CRADD: variants seen among roughly 807,000 people sequenced by gnomAD.
CRADD encodes the protein death domain-containing protein CRADD.
Under a neutral mutation model 15.5 loss-of-function variants are expected in CRADD, and 9 were observed. The ratio of observed to expected loss-of-function variants is 0.58; its 90% confidence interval spans 0.35 to 1.01. The LOEUF is 1.01. Ranked by LOEUF, CRADD falls within the 50% of genes least tolerant of loss-of-function variation. The pLI, the probability that CRADD is intolerant of heterozygous loss-of-function variation, is 0.02. For missense variants in CRADD, 227 were observed against 250.3 expected (o/e 0.91, Z 0.63); for synonymous variants, 118 against 107.6 (o/e 1.10, Z -0.60).
At chr12:93,731,088 A>C (rs1487413371) in intron 2 of CRADD, among the ~76,000 whole-genome samples, 2 of 152,198 alleles carry the variant, frequency 1.3e-5, no homozygotes, top group African/African-American at 4.8e-5. Context: ...TTGTGGTGCA[A>C]CTTTATATTT....
At chr12:93,888,005 A>G (rs1455461383) in intron 2 of CRADD, among the ~76,000 whole-genome samples, 1 of 152,192 alleles carries the variant, frequency 6.6e-6, no homozygotes, top group Non-Finnish European at 1.5e-5. Flanking sequence ...CTGAGACCCA[A>G]AGGATGAGTG....
chr12:93,688,973 C>T (rs1955501121), intron 2 of CRADD, among the ~76,000 whole-genome samples: 1 of 152,104 alleles, frequency 6.6e-6, no homozygotes. Context: ...TGGTTGGTAT[C>T]TCTCTCGTAT....
intron 2 of CRADD, among the ~76,000 whole-genome samples, chr12:93,821,387 T>G (rs1053694891): frequency 6.6e-6 from 1 of 152,218 alleles, no homozygotes; most frequent in Non-Finnish European, 1.5e-5. Context: ...ACCAGAGAGC[T>G]GGCACATCGG....
At chr12:93,814,431 C>T (rs1477432053) in intron 2 of CRADD, among the ~76,000 whole-genome samples, 2 of 152,160 alleles carry the variant, frequency 1.3e-5, no homozygotes, top group East Asian at 3.9e-4. Flanking sequence ...TGGGATTACC[C>T]AGTGGGAATC....
intron 2 of CRADD, among the ~76,000 whole-genome samples, chr12:93,878,271 A>T (rs1034070371): frequency 6.6e-6 from 1 of 152,144 alleles, no homozygotes; most frequent in African/African-American, 2.4e-5. Context: ...GTATGTCTAG[A>T]AATGTCATCT....
At chr12:93,751,117 T>C (rs1342824542) in intron 2 of CRADD, among the ~76,000 whole-genome samples, 1 of 152,202 alleles carries the variant, frequency 6.6e-6, no homozygotes, top group African/African-American at 2.4e-5. Context: ...TCTTGCTTCT[T>C]TTGCTTAAAA....
chr12:93,825,996 C>T (rs1382549056), intron 2 of CRADD, among the ~76,000 whole-genome samples: 1 of 152,222 alleles, frequency 6.6e-6, no homozygotes, highest in Non-Finnish European at 1.5e-5. Flanking sequence ...ATTTTCTCTT[C>T]TACCTATAAA....
intron 2 of CRADD, among the ~76,000 whole-genome samples, chr12:93,713,181 A>G (rs1956104427): frequency 6.6e-6 from 1 of 152,146 alleles, no homozygotes; most frequent in African/African-American, 2.4e-5. Flanking sequence ...CCACCACTTC[A>G]AAAGAGGTCT....
intron 2 of CRADD, among the ~76,000 whole-genome samples, chr12:93,704,819 C>T (rs930540015): frequency 5.9e-5 from 9 of 152,188 alleles, no homozygotes; most frequent in African/African-American, 1.4e-4. Context: ...CAGGCCTCCT[C>T]TGTCACTCCA....
At chr12:93,784,309 G>A (rs1957248244) in intron 2 of CRADD, among the ~76,000 whole-genome samples, 1 of 152,100 alleles carries the variant, frequency 6.6e-6, no homozygotes, top group Non-Finnish European at 1.5e-5. Context: ...TTTATGGTAT[G>A]ACAGGCACTG....
At chr12:93,720,241 A>G (rs1449546731) in intron 2 of CRADD, among the ~76,000 whole-genome samples, 4 of 152,050 alleles carry the variant, frequency 2.6e-5, no homozygotes, top group African/African-American at 9.7e-5. Context: ...TTTTCCAGCT[A>G]TGTTTTTGTT....
intron 2 of CRADD, among the ~76,000 whole-genome samples, chr12:93,709,929 C>G (rs1037513886): frequency 6.6e-6 from 1 of 152,186 alleles, no homozygotes; most frequent in African/African-American, 2.4e-5. Context: ...ATATTCTGTA[C>G]TATACCATTT....
intron 2 of CRADD, chr12:93,738,726 A>G: frequency 8.0e-6 from 3 of 375,852 alleles, no homozygotes; most frequent in South Asian, 6.4e-5. Flanking sequence ...TCAGAAAATC[A>G]CAAAAGATAA....
At chr12:93,727,360 G>A (rs940180047) in intron 2 of CRADD, among the ~76,000 whole-genome samples, 1 of 152,194 alleles carries the variant, frequency 6.6e-6, no homozygotes, top group Non-Finnish European at 1.5e-5. Context: ...TTGAGCTCAT[G>A]AGGAGTAAAT....
intron 2 of CRADD, among the ~76,000 whole-genome samples, chr12:93,813,584 C>T (rs1166776519): frequency 6.6e-6 from 1 of 152,116 alleles, no homozygotes; most frequent in Non-Finnish European, 1.5e-5. Context: ...TCTGTCCCAC[C>T]TGTAACTAAT....
chr12:93,783,514 A>C (rs1432703659), intron 2 of CRADD, among the ~76,000 whole-genome samples: 1 of 152,132 alleles, frequency 6.6e-6, no homozygotes, highest in African/African-American at 2.4e-5. Flanking sequence ...GCATGTGAGA[A>C]AGATGCAAGG....
intron 2 of CRADD, among the ~76,000 whole-genome samples, chr12:93,827,206 C>T (rs1444466639): frequency 6.6e-6 from 1 of 152,146 alleles, no homozygotes; most frequent in Non-Finnish European, 1.5e-5. Context: ...TTTCTCATGT[C>T]CCTCTATAAT....
intron 2 of CRADD, among the ~76,000 whole-genome samples, chr12:93,770,066 G>A (rs567711358): frequency 2.6e-5 from 4 of 151,264 alleles, no homozygotes; most frequent in African/African-American, 4.9e-5. Flanking sequence ...CACTTATGCC[G>A]AAGGTCATGA....
chr12:93,824,728 A>T lies in CRADD; in HGVS notation c.299-25242A>T, dbSNP rs1490145986. On this transcript the variant is annotated intron_variant, in intron 2 of 2. Transcript: ENST00000332896. This position sits in a 1 kb window ranked among gnomAD's most constrained non-coding sequence, Gnocchi z 4.3. ...CTCTTAGAAGTGATAATGTTTATTT[A>T]CCAGAACTTTAAATGCTGATTGTGG... Among the ~76,000 whole-genome samples, 1 of 152,132 alleles carries T rather than the reference A, an allele frequency of 6.6e-6. No homozygotes were observed. Among genetic ancestry groups the T allele is most frequent in the Non-Finnish European group, 1.5e-5 (1 of 68,022 alleles).
Sources: allele counts gnomAD v4.1 joint callset (sites outside exome capture counted in the v4.1 genomes callset), GRCh38; gene constraint gnomAD v4.1.1; non-coding constraint Gnocchi (gnomAD v3.1); transcripts MANE v1.5; gene names NCBI Gene and HGNC (gene_info 2026-07-23, HGNC 2026-07-21).